Variants in SLC35D4 observed in about 807,000 individuals in gnomAD.
SLC35D4 encodes UDP-N-acetylglucosamine transporter SLC35D4.
At chr18:23,372,755 A>G in the SLC35D4 span, among the ~76,000 whole-genome samples, 1 of 152,138 alleles carries the variant, frequency 6.6e-6, no homozygotes, top group East Asian at 1.9e-4. Context: ...GTGTGATAAC[A>G]ATCTGTTTAC....
chr18:23,356,834 T>C, the SLC35D4 span, among the ~76,000 whole-genome samples: 2 of 152,232 alleles, frequency 1.3e-5, no homozygotes, highest in Admixed American at 6.5e-5. This position sits in a 1 kb window ranked among gnomAD's most constrained non-coding sequence, Gnocchi z 4.1. Context: ...CATTGTCTTA[T>C]CATGGTAATA....
At chr18:23,271,223 T>A in the SLC35D4 span, among the ~76,000 whole-genome samples, 52 of 152,382 alleles carry the variant, frequency 3.4e-4, 1 homozygote, top group East Asian at 8.9e-3. Context: ...ATGTGAGACA[T>A]GCCTTGTTCC....
chr18:23,314,409 G>A, the SLC35D4 span, among the ~76,000 whole-genome samples: 1 of 152,132 alleles, frequency 6.6e-6, no homozygotes, highest in African/African-American at 2.4e-5. Context: ...GTATTCCAGG[G>A]CTGAGAGTCA....
the SLC35D4 span, among the ~76,000 whole-genome samples, chr18:23,383,838 G>A: frequency 1.3e-5 from 2 of 152,096 alleles, no homozygotes; most frequent in Admixed American, 6.5e-5. Context: ...GAGGCTGACA[G>A]TGTAGAAGAG....
chr18:23,338,582 T>C, the SLC35D4 span, among the ~76,000 whole-genome samples: 1 of 152,160 alleles, frequency 6.6e-6, no homozygotes, highest in East Asian at 1.9e-4. Context: ...AAATTAAGTC[T>C]TGGTCTAGGT....
chr18:23,285,052 G>A, the SLC35D4 span, among the ~76,000 whole-genome samples: 1 of 152,168 alleles, frequency 6.6e-6, no homozygotes, highest in Non-Finnish European at 1.5e-5. Flanking sequence ...TATCCCCTGT[G>A]ACCTGCACAC....
the SLC35D4 span, among the ~76,000 whole-genome samples, chr18:23,240,117 C>CAACAA: frequency 2.0e-5 from 3 of 152,070 alleles, no homozygotes; most frequent in Non-Finnish European, 2.9e-5. Flanking sequence ...GACCCTGTCT[C>CAACAA]AACAAAACAA....
chr18:23,319,125 T>C, the SLC35D4 span, among the ~76,000 whole-genome samples: 936 of 152,206 alleles, frequency 6.1e-3, 7 homozygotes, highest in Middle Eastern at 0.017. Flanking sequence ...ATTACAGATG[T>C]GAGGCACCGC....
the SLC35D4 span, among the ~76,000 whole-genome samples, chr18:23,244,564 G>T: frequency 3.9e-5 from 6 of 152,202 alleles, no homozygotes; most frequent in Non-Finnish European, 5.9e-5. Context: ...AGATTTAGTC[G>T]AGGGCCACCG....
At chr18:23,373,812 G>A in the SLC35D4 span, 3 of 1,601,142 alleles carry the variant, frequency 1.9e-6, no homozygotes, top group Admixed American at 1.7e-5. Context: ...CAACATCAAA[G>A]GTTTCCCTAA....
chr18:23,333,331 G>A, the SLC35D4 span, among the ~76,000 whole-genome samples: 1 of 152,142 alleles, frequency 6.6e-6, no homozygotes, highest in Non-Finnish European at 1.5e-5. Flanking sequence ...AAACTGGGCT[G>A]GTTAACTGTT....
At chr18:23,346,933 C>G in the SLC35D4 span, among the ~76,000 whole-genome samples, 6 of 152,102 alleles carry the variant, frequency 3.9e-5, no homozygotes, top group African/African-American at 1.4e-4. Context: ...TAAGATTTTG[C>G]TAATATATTT....
At chr18:23,430,642 T>C in the SLC35D4 span, 5 of 1,611,878 alleles carry the variant, frequency 3.1e-6, no homozygotes, top group African/African-American at 1.3e-5. Context: ...CTTGGAATAA[T>C]GTAGGGTAGG....
chr18:23,250,554 G>C, the SLC35D4 span, among the ~76,000 whole-genome samples: 7 of 152,310 alleles, frequency 4.6e-5, no homozygotes, highest in African/African-American at 1.7e-4. Flanking sequence ...TTTCTTAAAA[G>C]TAGAAGGGAA....
chr18:23,410,218 G>T, the SLC35D4 span, among the ~76,000 whole-genome samples: 2 of 152,098 alleles, frequency 1.3e-5, no homozygotes, highest in South Asian at 2.1e-4. Flanking sequence ...CGGTGGCTCA[G>T]GCCTATAATC....
At chr18:23,304,775 C>T in the SLC35D4 span, among the ~76,000 whole-genome samples, 1 of 152,110 alleles carries the variant, frequency 6.6e-6, no homozygotes, top group East Asian at 1.9e-4. Flanking sequence ...TCTCCACTGG[C>T]TGCCCTGTCT....
chr18:23,368,723 A>G, the SLC35D4 span: 1 of 1,420,514 alleles, frequency 7.0e-7, no homozygotes, highest in Non-Finnish European at 9.8e-7. Context: ...ACCTGAATAT[A>G]TAGTTTAAGT....
chr18:23,288,830 C>A, the SLC35D4 span, among the ~76,000 whole-genome samples: 1 of 152,162 alleles, frequency 6.6e-6, no homozygotes, highest in South Asian at 2.1e-4. Flanking sequence ...ACCTTTATAT[C>A]CCTTATGGTC....
At chr18:23,383,404 C>T in the SLC35D4 span, among the ~76,000 whole-genome samples, 4 of 71,934 alleles carry the variant, frequency 5.6e-5, no homozygotes, top group African/African-American at 9.9e-5. Context: ...ATGAAGGCCA[C>T]GGGGGCCTGG....
Sources: allele counts gnomAD v4.1 joint callset (sites outside exome capture counted in the v4.1 genomes callset), GRCh38; gene constraint gnomAD v4.1.1; non-coding constraint Gnocchi (gnomAD v3.1); transcripts MANE v1.5; gene names NCBI Gene and HGNC (gene_info 2026-07-23, HGNC 2026-07-21).